Variants in MTDH observed in about 807,000 individuals in gnomAD.
The protein encoded by MTDH is metadherin.
MTDH carries 34 observed loss-of-function variants against 72.7 expected under a neutral mutation model. That is an observed-to-expected ratio of 0.47 (90% CI 0.36 to 0.62). The LOEUF is 0.62. Ranked by LOEUF, MTDH falls within the 20% of genes least tolerant of loss-of-function variation. MTDH has a pLI of 0.00. For synonymous variants in MTDH, 266 were observed against 268.9 expected, an observed-to-expected ratio of 0.99 and a Z score of 0.10; for missense variants, 677 against 699.4, an observed-to-expected ratio of 0.97 and a Z score of 0.36.
intron 10 of MTDH, among the ~76,000 whole-genome samples, chr8:97,721,420 G>A (rs1815119516): frequency 6.6e-6 from 1 of 152,044 alleles, no homozygotes; most frequent in Non-Finnish European, 1.5e-5. Context: ...TCCAGCCTGG[G>A]TGACAGAGTG....
chr8:97,673,622 T>C (rs1360180006), intron 2 of MTDH, among the ~76,000 whole-genome samples: 1 of 146,304 alleles, frequency 6.8e-6, no homozygotes, highest in Non-Finnish European at 1.5e-5. Context: ...ATCGCGCTGT[T>C]GCACTCCAGC....
At chr8:97,694,291 G>A (rs906394937) in intron 6 of MTDH, among the ~76,000 whole-genome samples, 1 of 151,340 alleles carries the variant, frequency 6.6e-6, no homozygotes, top group African/African-American at 2.4e-5. Flanking sequence ...ACCGCCTCTC[G>A]GGTTCAAGCA....
intron 10 of MTDH, among the ~76,000 whole-genome samples, chr8:97,721,179 C>A (rs555165151): frequency 6.6e-6 from 1 of 152,028 alleles, no homozygotes; most frequent in African/African-American, 2.4e-5. Flanking sequence ...TGGTGGCTCA[C>A]GCCTGTAATC....
chr8:97,693,121 T>C (rs528632873), intron 6 of MTDH, among the ~76,000 whole-genome samples: 1 of 152,282 alleles, frequency 6.6e-6, no homozygotes, highest in South Asian at 2.1e-4. Flanking sequence ...TACTACATAG[T>C]GCCTAAGTAT....
In MTDH at chr8:97,730,165, T is replaced by C. The variant is rs1815503152; in HGVS notation, c.*5495T>C. 6.6e-6 allele frequency among the ~76,000 whole-genome samples: 1 copy of C among 152,232 alleles called. No individual in the cohort carries two copies. The highest frequency in any genetic ancestry group is 2.4e-5 in the African/African-American group (1 of 41,466). Reference sequence around the variant, plus strand: ...CATTCTTATTTGTATATATGTGCTTTCCTTTTTTATTTGTATCAAGGCATT... The same window carrying C: ...CATTCTTATTTGTATATATGTGCTTCCCTTTTTTATTTGTATCAAGGCATT... On this transcript the variant is annotated 3_prime_UTR_variant, in exon 12 of 12. Transcript: ENST00000336273.
At chr8:97,685,183 CTT>C (rs898990199) in intron 2 of MTDH, among the ~76,000 whole-genome samples, 2 of 149,094 alleles carry the variant, frequency 1.3e-5, no homozygotes, top group African/African-American at 2.5e-5. Flanking sequence ...CTCCACATAT[CTT>C]TTTTTTTTAA....
At position 97,729,815 on chromosome 8, in the gene MTDH, AT is replaced by A. The variant is rs1251761299; in HGVS notation, c.*5148del. Among the ~76,000 whole-genome samples, 2 of 152,112 alleles carry A rather than the reference AT, an allele frequency of 1.3e-5. No homozygotes were observed. Among genetic ancestry groups the A allele is most frequent in the African/African-American group, 4.8e-5 (2 of 41,420 alleles). ...CTATATATAATAGATTTTAGAAGAAATTTCTGCCACTCAGTGACTGCTTTAA... is the reference window on the plus strand; with the variant it reads ...CTATATATAATAGATTTTAGAAGAAATTCTGCCACTCAGTGACTGCTTTAA... On this transcript the variant is annotated 3_prime_UTR_variant, in exon 12 of 12. Transcript: ENST00000336273.
chr8:97,697,150 A>ATATATATATATATATATTTTT, intron 6 of MTDH, among the ~76,000 whole-genome samples: 1 of 68,796 alleles, frequency 1.5e-5, no homozygotes, highest in East Asian at 6.8e-4. Context: ...ATATATATAT[A>ATATATATATATATATATTTTT]TTTTTTTTTT....
At chr8:97,665,849 G>A (rs771955368) in intron 2 of MTDH, among the ~76,000 whole-genome samples, 11 of 152,160 alleles carry the variant, frequency 7.2e-5, no homozygotes, top group Non-Finnish European at 1.3e-4. Flanking sequence ...AGATCTGGCC[G>A]GGCGCGGTGG....
intron 2 of MTDH, among the ~76,000 whole-genome samples, chr8:97,686,219 T>C (rs748284795): frequency 6.6e-5 from 10 of 152,228 alleles, no homozygotes; most frequent in Non-Finnish European, 1.3e-4. Context: ...TTTAATTTTA[T>C]TGCTTTGAAA....
At chr8:97,697,145 TATATA>T (rs1813880953) in intron 6 of MTDH, among the ~76,000 whole-genome samples, 1 of 78,718 alleles carries the variant, frequency 1.3e-5, no homozygotes, top group Non-Finnish European at 2.2e-5. Flanking sequence ...TATATATATA[TATATA>T]TTTTTTTTTT....
At chr8:97,714,109 CAT>C (rs1814750648) in intron 9 of MTDH, among the ~76,000 whole-genome samples, 1 of 152,118 alleles carries the variant, frequency 6.6e-6, no homozygotes, top group African/African-American at 2.4e-5. Flanking sequence ...ATTTAGCACA[CAT>C]AGAAAAACCA....
At chr8:97,722,238 A>G (rs1815158154) in intron 10 of MTDH, among the ~76,000 whole-genome samples, 1 of 152,012 alleles carries the variant, frequency 6.6e-6, no homozygotes, top group Non-Finnish European at 1.5e-5. Context: ...ACTCTAGGCT[A>G]GGCCATAGAG....
chr8:97,713,627 T>A, intron 8 of MTDH, 35 bp from the exon 9 acceptor site: 1 of 1,233,702 alleles, frequency 8.1e-7, no homozygotes, highest in South Asian at 1.4e-5. Context: ...ACATAACCAT[T>A]TGGTTCTCTT....
At chr8:97,675,453 C>T (rs1039914696) in intron 2 of MTDH, among the ~76,000 whole-genome samples, 4 of 150,936 alleles carry the variant, frequency 2.7e-5, no homozygotes, top group South Asian at 4.2e-4. Flanking sequence ...CCCAGGTACT[C>T]GGGAGGCTGA....
rs1331001976 is a variant in MTDH at position 97,659,851 on chromosome 8, AATT to A, written c.382-1214_382-1212del. Among the ~76,000 whole-genome samples the A allele has an allele frequency of 2.0e-5, 3 of 152,262 alleles. No homozygotes were observed. In the East Asian group the frequency reaches 5.8e-4, roughly 29 times the overall value. ...TCTCAGTCTGGTGATGGGGCTCAGA[AATT>A]ATTATTTAAAAAGTAAAAAAGAGGC... On this transcript the variant is annotated intron_variant, in intron 1 of 11. Transcript: ENST00000336273.
chr8:97,668,179 C>A (rs949885327), intron 2 of MTDH, among the ~76,000 whole-genome samples: 2 of 151,874 alleles, frequency 1.3e-5, no homozygotes, highest in Non-Finnish European at 2.9e-5. Flanking sequence ...CCCAGCTACT[C>A]GGGAGGCTGA....
chr8:97,703,824 G>A (rs1289957625), intron 7 of MTDH, among the ~76,000 whole-genome samples: 3 of 152,096 alleles, frequency 2.0e-5, no homozygotes, highest in Non-Finnish European at 2.9e-5. Flanking sequence ...TTTATTGAGC[G>A]CTTACTGCAT....
chr8:97,672,700 C>T (rs1812672956), intron 2 of MTDH, among the ~76,000 whole-genome samples: 1 of 152,066 alleles, frequency 6.6e-6, no homozygotes, highest in African/African-American at 2.4e-5. Context: ...GGTGAAATGG[C>T]AAATTTGGTT....
Sources: gnomAD v4.1 joint callset for allele counts (sites outside exome capture counted in the v4.1 genomes callset) on GRCh38, gnomAD v4.1.1 for gene constraint, MANE v1.5 for transcripts, NCBI Gene and HGNC (gene_info 2026-07-23, HGNC 2026-07-21) for gene names.